RPTOR: variants seen among roughly 807,000 people sequenced by gnomAD.
RPTOR encodes regulatory associated protein of MTOR complex 1, also known as regulatory-associated protein of mTOR.
In RPTOR, 21 loss-of-function variants were observed where a neutral mutation model predicts 169.9. That is an observed-to-expected ratio of 0.12 (90% confidence interval 0.09 to 0.18). The LOEUF (loss-of-function observed/expected upper bound fraction) is 0.18. RPTOR is among the 10% of genes least tolerant of loss of function. The pLI is 1.00. For missense variants in RPTOR, 1,133 were observed against 1,855.9 expected (o/e 0.61, Z 7.16); for synonymous variants, 732 against 753.2 (o/e 0.97, Z 0.46).
chr17:80,842,073 A>G (rs1325070336), intron 10 of RPTOR, among the ~76,000 whole-genome samples: 1 of 152,166 alleles, frequency 6.6e-6, no homozygotes, highest in Non-Finnish European at 1.5e-5. Flanking sequence ...GCTGCAGCTC[A>G]CATTCATTGC....
At chr17:80,632,392 C>T (rs986451094) in intron 2 of RPTOR, among the ~76,000 whole-genome samples, 20 of 152,192 alleles carry the variant, frequency 1.3e-4, no homozygotes, top group African/African-American at 3.1e-4. Context: ...AGTTGCTCTT[C>T]CCTGCCTGAG....
intron 21 of RPTOR, among the ~76,000 whole-genome samples, chr17:80,916,819 C>A (rs1343028472): frequency 6.6e-6 from 1 of 152,050 alleles, no homozygotes; most frequent in Non-Finnish European, 1.5e-5. Flanking sequence ...GGCTAAGAGT[C>A]TCTACTAAAA....
At chr17:80,930,395 T>TCC in intron 24 of RPTOR, among the ~76,000 whole-genome samples, 1 of 4,442 alleles carries the variant, frequency 2.3e-4, no homozygotes. Flanking sequence ...GCTCAGCTCA[T>TCC]TCTCAGCTCA....
intron 28 of RPTOR, among the ~76,000 whole-genome samples, chr17:80,952,740 CAG>C (rs905094567): frequency 1.3e-5 from 2 of 152,152 alleles, no homozygotes; most frequent in African/African-American, 4.8e-5. Flanking sequence ...CGCTTCCTGG[CAG>C]AGTCACCAGG....
chr17:80,634,845 G>A (rs2065492308), intron 2 of RPTOR, among the ~76,000 whole-genome samples: 1 of 129,976 alleles, frequency 7.7e-6, no homozygotes, highest in Non-Finnish European at 1.7e-5. Flanking sequence ...TGCATACCGT[G>A]TGTGTGCATA....
Position 80,754,788 on chromosome 17 carries a change from T to C in RPTOR, c.830+603T>C, listed in dbSNP as rs1325723760. ...TCCAATATTCTCCCCTAGACCATCT[T>C]GCCAGTCTTTAATATCTCCTTTCCC... On this transcript the variant is annotated intron_variant, in intron 6 of 33. Coordinates refer to ENST00000306801, the MANE Select transcript of RPTOR (RefSeq NM_020761.3). This position sits in a 1 kb window ranked among gnomAD's most constrained non-coding sequence, Gnocchi z 4.2. Among the ~76,000 whole-genome samples, 1 of 152,214 alleles carries C rather than the reference T, an allele frequency of 6.6e-6. No homozygotes were observed. The highest frequency in any genetic ancestry group is 1.5e-5 in the Non-Finnish European group (1 of 68,030).
At chr17:80,588,797 G>A (rs745728165) in intron 1 of RPTOR, among the ~76,000 whole-genome samples, 1 of 152,088 alleles carries the variant, frequency 6.6e-6, no homozygotes, top group Non-Finnish European at 1.5e-5. Flanking sequence ...TCTGGATAAC[G>A]TCCTTTTAAA....
chr17:80,860,576 G>T lies in RPTOR; in HGVS notation c.1509+2676G>T, dbSNP rs2067906791. On this transcript the variant is annotated intron_variant, in intron 13 of 33. Coordinates refer to ENST00000306801, the MANE Select transcript of RPTOR (RefSeq NM_020761.3). The surrounding 1 kb of genome is among the most constrained non-coding windows in gnomAD (Gnocchi z 5.8). ...TACTTTGGTGTCACAGCTGAAGTCAGGGGGCAGTGGGGAGGCTGCTGCCGA... is the reference window on the plus strand; with the variant it reads ...TACTTTGGTGTCACAGCTGAAGTCATGGGGCAGTGGGGAGGCTGCTGCCGA... 6.6e-6 allele frequency among the ~76,000 whole-genome samples: 1 copy of T among 152,050 alleles called. No individual in the cohort carries two copies. The highest frequency in any genetic ancestry group is 6.5e-5 in the Admixed American group (1 of 15,272).
In RPTOR at chr17:80,966,069, G is replaced by A; in HGVS notation, c.*1739G>A. On this transcript the variant is annotated 3_prime_UTR_variant, in exon 34 of 34. Transcript: ENST00000306801. ...CAACACGCGTTTCTGTTTGTTTTGAGACAAAATCACCACCTGTCAAAAGGC... is the reference window on the plus strand; with the variant it reads ...CAACACGCGTTTCTGTTTGTTTTGAAACAAAATCACCACCTGTCAAAAGGC... The A allele has an allele frequency of 1.3e-5, 3 of 231,290 alleles. No homozygotes were observed. The highest frequency in any genetic ancestry group is 2.6e-5 in the Non-Finnish European group (3 of 117,200). The allele number at this position is 231,290 out of a possible 1,614,324, so 14.3% of individuals were successfully genotyped here.
At chr17:80,751,837 A>G (rs2066633421) in intron 5 of RPTOR, among the ~76,000 whole-genome samples, 2 of 152,174 alleles carry the variant, frequency 1.3e-5, no homozygotes, top group South Asian at 4.1e-4. Context: ...CCTCATGCTG[A>G]CCGCTTGGTC....
intron 1 of RPTOR, among the ~76,000 whole-genome samples, chr17:80,581,765 A>G (rs1260011118): frequency 6.6e-6 from 1 of 151,600 alleles, no homozygotes; most frequent in African/African-American, 2.4e-5. Context: ...GATACTGCAC[A>G]TCGGGCCTGT....
intron 9 of RPTOR, among the ~76,000 whole-genome samples, chr17:80,833,932 T>C (rs1169946357): frequency 6.6e-6 from 1 of 152,208 alleles, no homozygotes; most frequent in South Asian, 2.1e-4. Context: ...GAGGTTGCAG[T>C]GAGCCAAGAT....
At chr17:80,724,795 G>C (rs1353769812) in intron 4 of RPTOR, among the ~76,000 whole-genome samples, 2 of 152,178 alleles carry the variant, frequency 1.3e-5, no homozygotes, top group African/African-American at 4.8e-5. Flanking sequence ...CTGGATCTGA[G>C]GAGGGGCCGT....
intron 6 of RPTOR, among the ~76,000 whole-genome samples, chr17:80,781,984 T>C (rs1366640205): frequency 2.0e-5 from 3 of 152,240 alleles, no homozygotes; most frequent in Non-Finnish European, 4.4e-5. Flanking sequence ...GTCAGAGCTC[T>C]GGAGCCACCT....
chr17:80,625,982 G>C (rs1379818505), intron 2 of RPTOR, among the ~76,000 whole-genome samples, 189 bp downstream of exon 2: 4 of 152,202 alleles, frequency 2.6e-5, no homozygotes, highest in Non-Finnish European at 4.4e-5. Context: ...TGGTAGTGGA[G>C]AGAGTGTTTC....
intron 20 of RPTOR, among the ~76,000 whole-genome samples, chr17:80,895,707 C>T (rs1319877516): frequency 3.9e-5 from 6 of 152,246 alleles, no homozygotes; most frequent in Admixed American, 2.0e-4. Flanking sequence ...AGGCCTTCCA[C>T]GGGATCCTCT....
At chr17:80,948,249 C>T (rs2069126674) in intron 27 of RPTOR, among the ~76,000 whole-genome samples, 1 of 152,242 alleles carries the variant, frequency 6.6e-6, no homozygotes, top group Non-Finnish European at 1.5e-5. Flanking sequence ...AAGTGCGCAG[C>T]CCTCTCAACG....
intron 5 of RPTOR, among the ~76,000 whole-genome samples, chr17:80,743,008 C>G (rs2066500131): frequency 6.6e-6 from 1 of 152,112 alleles, no homozygotes; most frequent in Non-Finnish European, 1.5e-5. Context: ...CACATATGTT[C>G]CTTTCTAATT....
intron 28 of RPTOR, among the ~76,000 whole-genome samples, chr17:80,950,072 G>A (rs1420154715): frequency 6.6e-6 from 1 of 152,196 alleles, no homozygotes; most frequent in Non-Finnish European, 1.5e-5. Context: ...CCTGGGTGCG[G>A]GGCGAGGCGC....
Sources: gnomAD v4.1 joint callset for allele counts (sites outside exome capture counted in the v4.1 genomes callset) on GRCh38, gnomAD v4.1.1 for gene constraint, Gnocchi (gnomAD v3.1) non-coding constraint, MANE v1.5 for transcripts, NCBI Gene and HGNC (gene_info 2026-07-23, HGNC 2026-07-21) for gene names.